CYP7B1: variants seen among roughly 807,000 people sequenced by gnomAD.
CYP7B1 encodes cytochrome P450 family 7 subfamily B member 1.
CYP7B1 carries 29 observed loss-of-function variants against 42.7 expected under a neutral mutation model. The ratio of observed to expected loss-of-function variants is 0.68; its 90% CI spans 0.51 to 0.93. The LOEUF (loss-of-function observed/expected upper bound fraction) is 0.93. CYP7B1 is among the 40% of genes least tolerant of loss of function. The pLI, the probability that CYP7B1 is intolerant of heterozygous loss-of-function variation, is 0.00. For missense variants in CYP7B1, 655 were observed against 600.5 expected (o/e 1.09, Z -0.95); for synonymous variants, 235 against 218.2 (o/e 1.08, Z -0.68).
At chr8:64,699,234 T>C (rs1418939935) in intron 1 of CYP7B1, among the ~76,000 whole-genome samples, 1 of 152,132 alleles carries the variant, frequency 6.6e-6, no homozygotes, top group Non-Finnish European at 1.5e-5. Context: ...TCTGAGTTGA[T>C]GGAGCCCCAG....
chr8:64,688,759 TA>T (rs1212307198), intron 1 of CYP7B1, among the ~76,000 whole-genome samples: 16 of 147,820 alleles, frequency 1.1e-4, no homozygotes, highest in Admixed American at 1.4e-4. Context: ...ACCCTGTCTC[TA>T]AAAAAAAAAT....
chr8:64,592,271 A>G lies in CYP7B1; in HGVS notation c.*4371T>C, dbSNP rs1805048446. ...TCAATGACTATATTTGGTTTTAATT[A>G]TCATATTATCAAAATACCTGTTGTA... is the stretch of plus-strand genomic sequence containing the variant. On this transcript the variant is annotated 3_prime_UTR_variant, in exon 6 of 6. Transcript: ENST00000310193. 6.6e-6 allele frequency among the ~76,000 whole-genome samples: 1 copy of G among 152,136 alleles called. No individual in the cohort carries two copies. Among genetic ancestry groups the G allele is most frequent in the African/African-American group, 2.4e-5 (1 of 41,450 alleles).
chr8:64,700,247 C>T (rs571392412), intron 1 of CYP7B1, among the ~76,000 whole-genome samples: 1 of 152,222 alleles, frequency 6.6e-6, no homozygotes, highest in African/African-American at 2.4e-5. Flanking sequence ...ATCATTTATA[C>T]CATCCATTTG....
chr8:64,684,492 A>G (rs1235839546), intron 1 of CYP7B1, among the ~76,000 whole-genome samples: 1 of 152,270 alleles, frequency 6.6e-6, no homozygotes, highest in Non-Finnish European at 1.5e-5. Flanking sequence ...AAATAATTAA[A>G]TAAGTTAATA....
chr8:64,668,139 T>C (rs1283072524), intron 1 of CYP7B1, among the ~76,000 whole-genome samples: 1 of 152,214 alleles, frequency 6.6e-6, no homozygotes, highest in South Asian at 2.1e-4. Flanking sequence ...CTTTGATGAA[T>C]ACATGACATG....
chr8:64,769,019 T>C (rs1804159353), intron 1 of CYP7B1, among the ~76,000 whole-genome samples: 1 of 152,322 alleles, frequency 6.6e-6, no homozygotes, highest in East Asian at 1.9e-4. Flanking sequence ...TTATACATAC[T>C]AAATTTTAAA....
intron 1 of CYP7B1, among the ~76,000 whole-genome samples, chr8:64,644,841 T>C (rs1029854895): frequency 1.3e-5 from 2 of 151,928 alleles, no homozygotes; most frequent in Non-Finnish European, 2.9e-5. Context: ...ACATGTGCCA[T>C]GCTGGTGTGC....
chr8:64,612,667 T>C (rs906259034), intron 4 of CYP7B1, among the ~76,000 whole-genome samples: 8 of 152,158 alleles, frequency 5.3e-5, no homozygotes, highest in Non-Finnish European at 7.4e-5. Context: ...TTCTCTTTAC[T>C]GTAATAGTGC....
chr8:64,759,658 G>T (rs554738575), intron 1 of CYP7B1, among the ~76,000 whole-genome samples: 1 of 152,134 alleles, frequency 6.6e-6, no homozygotes, highest in South Asian at 2.1e-4. Flanking sequence ...ACCTAGAATG[G>T]GTCATTGAGA....
chr8:64,724,091 G>A (rs1450515095), intron 1 of CYP7B1, among the ~76,000 whole-genome samples: 2 of 151,986 alleles, frequency 1.3e-5, no homozygotes, highest in Non-Finnish European at 2.9e-5. Context: ...AGAAAGGAAC[G>A]GGGTTGGGGG....
At chr8:64,752,830 C>G (rs1463586870) in intron 1 of CYP7B1, among the ~76,000 whole-genome samples, 1 of 152,174 alleles carries the variant, frequency 6.6e-6, no homozygotes, top group East Asian at 1.9e-4. Context: ...AACTTCTGCA[C>G]TTTAATGGCA....
At position 64,591,384 on chromosome 8, in the gene CYP7B1, T is replaced by C. The variant is rs1445214020; in HGVS notation, c.*5258A>G. Among the ~76,000 whole-genome samples, 1 of 152,170 alleles carries C rather than the reference T, an allele frequency of 6.6e-6. No individual in the cohort carries two copies. The highest frequency in any genetic ancestry group is 1.5e-5 in the Non-Finnish European group (1 of 68,024). On this transcript the variant is annotated 3_prime_UTR_variant, in exon 6 of 6. Transcript: ENST00000310193. Reference sequence around the variant, plus strand: ...ATTATGCAATACAAGTAAACAATAGTTTGCAAGATTGGCAAATTTAATAGG... The same window carrying C: ...ATTATGCAATACAAGTAAACAATAGCTTGCAAGATTGGCAAATTTAATAGG...
chr8:64,660,242 A>C (rs1806181961), intron 1 of CYP7B1, among the ~76,000 whole-genome samples: 1 of 152,196 alleles, frequency 6.6e-6, no homozygotes. Context: ...TCATATATAC[A>C]TTATGATTCC....
At chr8:64,776,167 C>T (rs997997323) in intron 1 of CYP7B1, among the ~76,000 whole-genome samples, 24 of 152,132 alleles carry the variant, frequency 1.6e-4, no homozygotes, top group Admixed American at 1.2e-3. Flanking sequence ...GCCATTGATG[C>T]TTCTTTACTT....
chr8:64,700,484 T>C lies in CYP7B1; in HGVS notation c.123-75945A>G, dbSNP rs751457017. ...CCATAGCATTGTGTCAAACTATGTA[T>C]GGGAAGTACCATCTATTAGGACAAA... On this transcript the variant is annotated intron_variant, in intron 1 of 5. Coordinates refer to ENST00000310193, the MANE Select transcript of CYP7B1 (RefSeq NM_004820.5). Among the ~76,000 whole-genome samples the C allele has an allele frequency of 1.6e-4, 25 of 152,228 alleles. No individual in the cohort carries two copies. The South Asian group carries it at 2.1e-3, about 13-fold the overall frequency.
intron 1 of CYP7B1, among the ~76,000 whole-genome samples, chr8:64,730,221 C>T (rs1585881748): frequency 6.6e-6 from 1 of 152,000 alleles, no homozygotes; most frequent in East Asian, 1.9e-4. Flanking sequence ...GCCACCATGT[C>T]CGGCTAATTT....
intron 1 of CYP7B1, among the ~76,000 whole-genome samples, chr8:64,765,463 T>C (rs1263921440): frequency 5.3e-5 from 8 of 152,194 alleles, no homozygotes; most frequent in Non-Finnish European, 1.2e-4. Flanking sequence ...TGTTATGAAA[T>C]ACTCAGGAAC....
chr8:64,697,831 G>A (rs575525869), intron 1 of CYP7B1, among the ~76,000 whole-genome samples: 2 of 152,206 alleles, frequency 1.3e-5, no homozygotes, highest in South Asian at 2.1e-4. Flanking sequence ...CTATCACCAC[G>A]GACTCTTCAG....
intron 1 of CYP7B1, among the ~76,000 whole-genome samples, chr8:64,735,030 G>GGTGGA (rs1281926623): frequency 1.3e-5 from 2 of 152,152 alleles, no homozygotes; most frequent in African/African-American, 4.8e-5. Context: ...ACCTGGAGGA[G>GGTGGA]GTGGAGCTAA....
Sources: allele counts gnomAD v4.1 joint callset (sites outside exome capture counted in the v4.1 genomes callset), GRCh38; gene constraint gnomAD v4.1.1; transcripts MANE v1.5; gene names NCBI Gene and HGNC (gene_info 2026-07-23, HGNC 2026-07-21).